The following CCZ1B variants were observed in gnomAD, a reference collection of about 807,000 sequenced individuals.
CCZ1B encodes vacuolar fusion protein CCZ1 homolog B.
A neutral mutation model predicts 58.8 loss-of-function variants in CCZ1B; 25 were observed. That is an observed-to-expected ratio of 0.43 (90% CI 0.31 to 0.59). The LOEUF is 0.59. Ranked by LOEUF, CCZ1B falls within the 20% of genes least tolerant of loss-of-function variation. The pLI is 0.12. For missense variants in CCZ1B, 180 were observed against 501.5 expected (o/e 0.36, Z 6.12); for synonymous variants, 66 against 173.2 (o/e 0.38, Z 4.86).
At chr7:6,810,588 G>A (rs1583551013) in intron 10 of CCZ1B, among the ~76,000 whole-genome samples, 1 of 147,996 alleles carries the variant, frequency 6.8e-6, no homozygotes, top group East Asian at 1.9e-4. Flanking sequence ...GAGTAGCTGG[G>A]ACTACACATG....
rs1583552463 is a variant in CCZ1B at position 6,813,483 on chromosome 7, T to A, written c.781-446A>T. Among the ~76,000 whole-genome samples the A allele has an allele frequency of 2.0e-5, 3 of 148,456 alleles. 1 individual carries two copies. In the South Asian group the frequency reaches 6.4e-4, roughly 32 times the overall value. ...GTCTCAGCTACTTGGGAGGCTGAGG[T>A]GACAGGACCGCTTGAGCCCAAGAGT... On this transcript the variant is annotated intron_variant, in intron 8 of 14. Transcript: ENST00000316731.
At chr7:6,819,343 C>G (rs531447485) in intron 7 of CCZ1B, among the ~76,000 whole-genome samples, 1 of 147,152 alleles carries the variant, frequency 6.8e-6, no homozygotes, top group East Asian at 2.0e-4. Context: ...TCAAGTGATT[C>G]TCCTGCCTCA....
chr7:6,818,259 C>T lies in CCZ1B; in HGVS notation c.698+1507G>A, dbSNP rs1018037109. ...TATGGCCACACCCCTAATTAAGAAACGGGGCTAGGCCAGGTGCGGTGGCTC... is the reference window on the plus strand; with the variant it reads ...TATGGCCACACCCCTAATTAAGAAATGGGGCTAGGCCAGGTGCGGTGGCTC... On this transcript the variant is annotated intron_variant, in intron 7 of 14. Transcript: ENST00000316731. Among the ~76,000 whole-genome samples the T allele has an allele frequency of 1.1e-4, 17 of 149,608 alleles. 2 individuals carry two copies. The highest frequency in any genetic ancestry group is 2.1e-4 in the South Asian group (1 of 4,750).
chr7:6,822,428 A>G, intron 5 of CCZ1B, 64 bp from the exon 6 acceptor site: 1 of 1,547,358 alleles, frequency 6.5e-7, no homozygotes, highest in Non-Finnish European at 8.7e-7. Flanking sequence ...TCAGTATAAC[A>G]AGTTCTTTTT....
chr7:6,808,765 G>T (rs1277943029), intron 10 of CCZ1B, among the ~76,000 whole-genome samples: 2 of 152,114 alleles, frequency 1.3e-5, no homozygotes, highest in Admixed American at 1.3e-4. Flanking sequence ...CTGGAGTGCA[G>T]TGGCACGATC....
intron 4 of CCZ1B, 100 bp from the exon 5 acceptor site, chr7:6,823,460 A>C: frequency 6.5e-7 from 1 of 1,527,984 alleles, no homozygotes. Context: ...AAACAGTATA[A>C]TGTTTATAAA....
At chr7:6,822,798 T>C (rs189445391) in intron 5 of CCZ1B, among the ~76,000 whole-genome samples, 14,718 of 133,718 alleles carry the variant, frequency 0.11, 1,142 homozygotes, top group Admixed American at 0.16. Context: ...ACCTCCAAGG[T>C]GCGAGCGATC....
chr7:6,822,393 A>T, intron 5 of CCZ1B, 29 bp from the exon 6 acceptor site: 1 of 1,582,588 alleles, frequency 6.3e-7, no homozygotes, highest in East Asian at 2.2e-5. Flanking sequence ...GCAGAAAAAA[A>T]AATCAGTTTC....
At chr7:6,821,099 C>T (rs1263163171) in intron 6 of CCZ1B, among the ~76,000 whole-genome samples, 1 of 147,154 alleles carries the variant, frequency 6.8e-6, no homozygotes, top group Non-Finnish European at 1.5e-5. Flanking sequence ...ACCTCTGCCT[C>T]TGGGGTTCAA....
intron 10 of CCZ1B, among the ~76,000 whole-genome samples, chr7:6,807,681 CAAATA>C (rs1422597924): frequency 9.4e-4 from 128 of 136,332 alleles, no homozygotes; most frequent in African/African-American, 3.3e-3. Context: ...GCCGACAAAT[CAAATA>C]AATTAATTGA....
At chr7:6,805,338 ATT>A in intron 11 of CCZ1B, 2 of 221,680 alleles carry the variant, frequency 9.0e-6, no homozygotes, top group East Asian at 2.4e-4. Context: ...TCGTATGTTT[ATT>A]TAACAAACAT....
Position 6,817,704 on chromosome 7 carries a change from A to C in CCZ1B, c.698+2062T>G, listed in dbSNP as rs181890101. 8.0e-5 allele frequency among the ~76,000 whole-genome samples: 12 copies of C among 149,986 alleles called. 1 individual carries two copies. Among genetic ancestry groups the C allele is most frequent in the Non-Finnish European group, 1.2e-4 (8 of 67,698 alleles). ...AGTACAGCGTAAGGTTGCCTGATAA[A>C]CTATTTGTCAAATTAGAAAGTAGGT... is the stretch of plus-strand genomic sequence containing the variant. On this transcript the variant is annotated intron_variant, in intron 7 of 14. Coordinates refer to ENST00000316731, the MANE Select transcript of CCZ1B (RefSeq NM_198097.5).
intron 8 of CCZ1B, 147 bp downstream of exon 8, chr7:6,814,617 A>C (rs923388811): frequency 1.0e-5 from 6 of 584,794 alleles, no homozygotes; most frequent in Non-Finnish European, 1.8e-5. Flanking sequence ...TTTCTGTGCT[A>C]ATTGATATAC....
In CCZ1B at chr7:6,822,327, C is replaced by G; in HGVS notation, c.476G>C (p.Gly159Ala). 6.3e-7 allele frequency: 1 copy of G among 1,591,794 alleles called. No homozygotes were observed. The change falls in exon 6 of 15, where the codon GGA (glycine) becomes GCA (alanine). Residue 159 changes from glycine to alanine, a missense_variant. Gly to Ala is a moderately conservative substitution (Grantham distance 60). Transcript: ENST00000316731. Reference protein sequence around the residue: ...NGTFLKAMEDGGVKLLKERLE... With the variant: ...NGTFLKAMEDAGVKLLKERLE... The stretch of plus-strand genomic sequence containing the variant: ...TCTTTCTTTCAGAAGCTTGACGCCT[C>G]CGTCTTCCATGGCTTTCAGAAATGT...
chr7:6,821,972 C>T (rs1783118563), intron 6 of CCZ1B, among the ~76,000 whole-genome samples: 1 of 149,506 alleles, frequency 6.7e-6, no homozygotes, highest in Non-Finnish European at 1.5e-5. Context: ...CAAAAGATGG[C>T]TGCTGAGTAA....
chr7:6,823,224 C>G (rs1005985865), intron 5 of CCZ1B, 89 bp downstream of exon 5: 10 of 1,543,794 alleles, frequency 6.5e-6, no homozygotes, highest in Middle Eastern at 1.8e-4. Context: ...ACTTTGCAGT[C>G]ATTTATAGAC....
intron 7 of CCZ1B, among the ~76,000 whole-genome samples, chr7:6,818,810 C>A (rs1783061456): frequency 6.7e-6 from 1 of 148,808 alleles, no homozygotes; most frequent in African/African-American, 2.5e-5. Context: ...GACTTCTGTC[C>A]ACCTACTCTA....
At chr7:6,822,559 T>G (rs1043741974) in intron 5 of CCZ1B, 195 bp from the exon 6 acceptor site, 1 of 1,089,112 alleles carries the variant, frequency 9.2e-7, no homozygotes, top group African/African-American at 1.8e-5. Flanking sequence ...GTGATGCTGT[T>G]TTATGAAACC....
chr7:6,818,639 A>C (rs542397590), intron 7 of CCZ1B, among the ~76,000 whole-genome samples: 2 of 141,254 alleles, frequency 1.4e-5, no homozygotes, highest in Admixed American at 7.5e-5. Flanking sequence ...AAAGACAAGA[A>C]AGAAAGAAAG....
Sources: allele counts gnomAD v4.1 joint callset (sites outside exome capture counted in the v4.1 genomes callset), GRCh38; gene constraint gnomAD v4.1.1; transcripts MANE v1.5; gene names NCBI Gene and HGNC (gene_info 2026-07-23, HGNC 2026-07-21).